Variants in TBC1D32 observed in about 807,000 individuals in gnomAD.
The protein encoded by TBC1D32 is TBC1 domain family member 32.
In TBC1D32, 151 loss-of-function variants were observed where a neutral mutation model predicts 170.3. The ratio of observed to expected loss-of-function variants is 0.89; its 90% CI spans 0.78 to 1.01. The LOEUF is 1.01. Ranked by LOEUF, TBC1D32 falls within the 50% of genes least tolerant of loss-of-function variation. TBC1D32 has a pLI of 0.00. For missense variants in TBC1D32, 1,464 were observed against 1,457.1 expected, an observed-to-expected ratio of 1.00 and a Z score of -0.08; for synonymous variants, 498 against 488.0, an observed-to-expected ratio of 1.02 and a Z score of -0.27.
intron 15 of TBC1D32, among the ~76,000 whole-genome samples, chr6:121,266,758 G>A (rs753507939): frequency 6.6e-6 from 1 of 152,034 alleles, no homozygotes; most frequent in Non-Finnish European, 1.5e-5. Context: ...CATGTCCTTT[G>A]CAGGCAGATG....
At chr6:121,197,678 C>T (rs1273772) in intron 22 of TBC1D32, among the ~76,000 whole-genome samples, 17,760 of 152,038 alleles carry the variant, frequency 0.12, 1,505 homozygotes, top group Admixed American at 0.23. Flanking sequence ...TTATGTTAGG[C>T]GTAATTATGA....
chr6:121,122,944 G>A (rs906756695), intron 26 of TBC1D32, among the ~76,000 whole-genome samples: 2 of 152,030 alleles, frequency 1.3e-5, no homozygotes, highest in Non-Finnish European at 2.9e-5. Flanking sequence ...ATAATAAGCT[G>A]AGACTTTATG....
At chr6:121,143,288 T>C (rs1357034458) in intron 24 of TBC1D32, among the ~76,000 whole-genome samples, 4 of 152,150 alleles carry the variant, frequency 2.6e-5, no homozygotes, top group Non-Finnish European at 5.9e-5. Context: ...ACAGAGAATG[T>C]ATAGATCAAT....
chr6:121,131,589 A>G, intron 25 of TBC1D32, 38 bp downstream of exon 25: 3 of 1,578,044 alleles, frequency 1.9e-6, no homozygotes, highest in Non-Finnish European at 2.6e-6. Flanking sequence ...TATAATTTTC[A>G]TACATAAGAA....
chr6:121,259,185 C>A (rs1475376898), intron 15 of TBC1D32, among the ~76,000 whole-genome samples: 2 of 151,980 alleles, frequency 1.3e-5, no homozygotes, highest in Non-Finnish European at 2.9e-5. Flanking sequence ...ATAGTCTCAG[C>A]TACTCTGGAG....
intron 5 of TBC1D32, among the ~76,000 whole-genome samples, chr6:121,306,980 T>C (rs968701382): frequency 2.6e-5 from 4 of 152,224 alleles, no homozygotes; most frequent in Non-Finnish European, 5.9e-5. Context: ...GAATAAACCA[T>C]AATTCATCAT....
intron 30 of TBC1D32, among the ~76,000 whole-genome samples, chr6:121,105,124 G>A (rs374015282): frequency 1.3e-5 from 2 of 151,732 alleles, no homozygotes; most frequent in African/African-American, 4.8e-5. Flanking sequence ...TAAGATAGGT[G>A]GGCAATTAAT....
rs146125610 is a variant in TBC1D32, at chr6:121,141,186, G to T, written c.2774-9434C>A. Among the ~76,000 whole-genome samples the T allele has an allele frequency of 1.9e-3, 294 of 152,152 alleles. 2 individuals are homozygous for T. The highest frequency in any genetic ancestry group is 3.4e-3 in the Middle Eastern group (1 of 294). ...AATACTCTTAGAGAAATAAACAAAG[G>T]TCCAGAGAGAGAAATAAGGAAGAGA... On this transcript the variant is annotated intron_variant, in intron 24 of 31. Coordinates refer to ENST00000398212, the MANE Select transcript of TBC1D32 (RefSeq NM_152730.6).
chr6:121,301,954 T>C (rs1695879059), intron 9 of TBC1D32, among the ~76,000 whole-genome samples: 1 of 152,092 alleles, frequency 6.6e-6, no homozygotes, highest in Non-Finnish European at 1.5e-5. Flanking sequence ...TAATTAAACA[T>C]TCATTAAATT....
At chr6:121,120,729 A>T (rs1780172013) in intron 26 of TBC1D32, among the ~76,000 whole-genome samples, 1 of 152,040 alleles carries the variant, frequency 6.6e-6, no homozygotes, top group Admixed American at 6.6e-5. Context: ...GAACAGTTAT[A>T]GGGTTGAATG....
chr6:121,112,571 T>C lies in TBC1D32; in HGVS notation c.3258A>G (p.Gln1086=), dbSNP rs560574202. The C allele has an allele frequency of 8.7e-6, 14 of 1,611,140 alleles. No homozygotes were observed. The highest frequency in any genetic ancestry group is 5.3e-5 in the African/African-American group (4 of 74,934). The change falls in exon 29 of 32, where the codon CAA becomes CAG. Residue 1086 remains glutamine (Q), a synonymous_variant. Transcript: ENST00000398212. ...IMLGDKEKTF[Q]FLHQFSRLLT... Reference sequence around the variant, plus strand: ...GAAGCCTGGAGAATTGATGAAGAAATTGGAATGTTTTTTCTTTGTCTCCCA... The same window carrying C: ...GAAGCCTGGAGAATTGATGAAGAAACTGGAATGTTTTTTCTTTGTCTCCCA...
chr6:121,242,254 C>T lies in TBC1D32; in HGVS notation c.2104G>A (p.Ala702Thr), dbSNP rs1194740486. The change falls in exon 18 of 32, where the codon GCT becomes ACT. Residue 702 changes from alanine (A) to threonine (T), a missense_variant. Around this residue, in one of 3 missense-constraint regions of TBC1D32, gnomAD observed 1,363 missense variants for 1,338.1 expected, o/e 1.02. Coordinates refer to ENST00000398212, the MANE Select transcript of TBC1D32 (RefSeq NM_152730.6). ...ATAAATGTCACACATTCATTGATAGCACCTGTTCTTTGAAGAAGTAGTAAT... is the reference window on the plus strand; with the variant it reads ...ATAAATGTCACACATTCATTGATAGTACCTGTTCTTTGAAGAAGTAGTAAT... ...KGLLLLQRTG[A>T]INECVTFIFN... 1.2e-6 allele frequency: 2 copies of T among 1,612,226 alleles called. No individual in the cohort carries two copies. The highest frequency in any genetic ancestry group is 1.7e-6 in the Non-Finnish European group (2 of 1,179,100).
intron 20 of TBC1D32, among the ~76,000 whole-genome samples, chr6:121,238,264 T>G (rs1796553658): frequency 6.6e-6 from 1 of 152,126 alleles, no homozygotes; most frequent in African/African-American, 2.4e-5. Flanking sequence ...AAAAATCTGT[T>G]AAATCCAGAA....
chr6:121,240,644 T>C (rs1796855958), intron 19 of TBC1D32, among the ~76,000 whole-genome samples: 1 of 151,674 alleles, frequency 6.6e-6, no homozygotes, highest in South Asian at 2.1e-4. Flanking sequence ...ATCCTAGCAT[T>C]CTGGGAGGCC....
chr6:121,238,690 T>C (rs1208442402), intron 20 of TBC1D32, among the ~76,000 whole-genome samples: 2 of 152,108 alleles, frequency 1.3e-5, no homozygotes, highest in African/African-American at 4.8e-5. Context: ...AATTTTCTAT[T>C]AGATTCAAGC....
In TBC1D32 at chr6:121,232,066, T is replaced by C. The variant is rs150399131; in HGVS notation, c.2364+7004A>G. ...ATCTTTATGGTTTCAGATCTTAGAT[T>C]TAAGTGTTTGATTGATCTAGAGTTG... On this transcript the variant is annotated intron_variant, in intron 20 of 31. Transcript: ENST00000398212. 2.1e-3 allele frequency among the ~76,000 whole-genome samples: 314 copies of C among 152,280 alleles called. 1 individual carries two copies. The highest frequency in any genetic ancestry group is 7.3e-3 in the African/African-American group (302 of 41,572).
intron 21 of TBC1D32, among the ~76,000 whole-genome samples, chr6:121,213,055 T>A (rs1455933467): frequency 6.6e-6 from 1 of 152,112 alleles, no homozygotes; most frequent in Admixed American, 6.5e-5. Flanking sequence ...TATCTCAAAA[T>A]AATAAGAACC....
chr6:121,267,439 G>A (rs539759278), intron 15 of TBC1D32, among the ~76,000 whole-genome samples: 6 of 152,232 alleles, frequency 3.9e-5, no homozygotes, highest in East Asian at 1.9e-4. Flanking sequence ...CTTTTCCAAC[G>A]GTCTTAGCAA....
intron 12 of TBC1D32, among the ~76,000 whole-genome samples, chr6:121,291,414 C>T (rs888676946): frequency 1.3e-5 from 2 of 151,752 alleles, no homozygotes; most frequent in Non-Finnish European, 2.9e-5. Context: ...AAAATATTTA[C>T]TATGTGGTGC....
Sources: allele counts gnomAD v4.1 joint callset (sites outside exome capture counted in the v4.1 genomes callset), GRCh38; gene constraint gnomAD v4.1.1; regional missense constraint gnomAD v4.1.1; transcripts MANE v1.5; gene names NCBI Gene and HGNC (gene_info 2026-07-23, HGNC 2026-07-21).